DMD: variants seen among roughly 807,000 people sequenced by gnomAD.
DMD encodes mutant dystrophin.
DMD carries 63 observed loss-of-function variants against 330.1 expected under a neutral mutation model. The observed-to-expected ratio is 0.19, with a 90% CI of 0.16 to 0.24. The LOEUF is 0.24. Ranked by LOEUF, DMD falls within the 10% of genes least tolerant of loss-of-function variation. The pLI, the probability that DMD is intolerant of heterozygous loss-of-function variation, is 1.00. For missense variants in DMD, 3,344 were observed against 2,684.1 expected (o/e 1.25, Z -5.43); for synonymous variants, 1,223 against 959.8 (o/e 1.27, Z -5.07).
intron 74 of DMD, among the ~76,000 whole-genome samples, chrX:31,155,112 TAACTC>T (rs1325340983): frequency 1.8e-5 from 2 of 112,566 alleles, no homozygotes; most frequent in South Asian, 3.7e-4. Flanking sequence ...CTTGTTCCCT[TAACTC>T]AACCTGCTGA....
At chrX:32,630,849 A>T (rs1206439596) in intron 11 of DMD, among the ~76,000 whole-genome samples, 1 of 111,692 alleles carries the variant, frequency 9.0e-6, no homozygotes, top group Non-Finnish European at 1.9e-5. Context: ...TCAGTTGGTG[A>T]GATCATGTTT....
At position 31,836,775 on chromosome X, in the gene DMD, C is replaced by G; in HGVS notation, c.7143G>C (p.Glu2381Asp). 1.7e-6 allele frequency: 2 copies of G among 1,211,719 alleles called. No homozygotes were observed. Among genetic ancestry groups the G allele is most frequent in the South Asian group, 3.5e-5 (2 of 57,006 alleles). ...ACAAATGCTGCCCTTTAGACAAAAT[C>G]TCTTCCACATCCGGTTGTTTAGCTT... The part of the protein sequence containing the change: ...AVQAKQPDVE[E>D]ILSKGQHLYK... The change falls in exon 49 of 79, where the codon GAG (glutamate) becomes GAC (aspartate). Residue 2381 changes from glutamate to aspartate, a missense_variant. By Grantham distance (45) the Glu-to-Asp change is conservative. Transcript: ENST00000357033.
intron 13 of DMD, among the ~76,000 whole-genome samples, chrX:32,591,386 T>C (rs183217588): frequency 8.9e-6 from 1 of 111,991 alleles, no homozygotes; most frequent in African/African-American, 3.2e-5. Context: ...TTGGAAGACA[T>C]TTTCATTAGA....
chrX:32,648,854 C>T (rs1351333953), intron 9 of DMD, among the ~76,000 whole-genome samples: 1 of 111,936 alleles, frequency 8.9e-6, no homozygotes, highest in East Asian at 2.8e-4. Flanking sequence ...TTGGAGATCA[C>T]TTCATACATG....
intron 7 of DMD, among the ~76,000 whole-genome samples, chrX:32,729,587 C>G (rs990479134): frequency 9.0e-6 from 1 of 111,546 alleles, no homozygotes; most frequent in Non-Finnish European, 1.9e-5. Context: ...TTAACATTTC[C>G]ACATTTCATA....
rs200541301 is a variant in DMD, at chrX:32,516,054, G to GA, written c.2292+1953dup. 2.2e-3 allele frequency among the ~76,000 whole-genome samples: 222 copies of GA among 101,872 alleles called. 1 individual carries two copies. The highest frequency in any genetic ancestry group is 5.6e-3 in the African/African-American group (156 of 28,097). 88.5% of individuals were successfully genotyped at this position (101,872 alleles called of 115,157 possible). ...AAAGGAGTAAATGAAGAAATCAAGT[G>GA]AAAAAAAAAAGAGTTGGTAATATTT... On this transcript the variant is annotated intron_variant, in intron 18 of 78. Transcript: ENST00000357033.
chrX:32,706,457 G>A (rs998182476), intron 7 of DMD, among the ~76,000 whole-genome samples: 12 of 110,402 alleles, frequency 1.1e-4, no homozygotes, highest in African/African-American at 3.0e-4. Context: ...CCAGCTATTC[G>A]GGAGGCTGAG....
intron 3 of DMD, among the ~76,000 whole-genome samples, chrX:32,846,341 C>G (rs2080664596): frequency 9.0e-6 from 1 of 111,603 alleles, no homozygotes; most frequent in South Asian, 3.7e-4. Flanking sequence ...TCCTTCTTCT[C>G]TAACTACCTT....
At chrX:32,921,648 C>T (rs1344326468) in intron 2 of DMD, among the ~76,000 whole-genome samples, 2 of 111,617 alleles carry the variant, frequency 1.8e-5, no homozygotes, top group Non-Finnish European at 1.9e-5. Flanking sequence ...AACTAGGAGG[C>T]TAGCTAACAT....
chrX:31,351,340 C>A (rs769265210), intron 60 of DMD, among the ~76,000 whole-genome samples: 5 of 110,627 alleles, frequency 4.5e-5, no homozygotes, highest in Admixed American at 9.7e-5. Context: ...TAAGATGATA[C>A]AATGTAAAGC....
At chrX:32,728,832 C>T (rs2067194815) in intron 7 of DMD, among the ~76,000 whole-genome samples, 1 of 111,795 alleles carries the variant, frequency 8.9e-6, no homozygotes, top group African/African-American at 3.2e-5. Flanking sequence ...TTCCACAGTT[C>T]TTAAACTGAA....
intron 23 of DMD, among the ~76,000 whole-genome samples, chrX:32,468,239 C>A (rs1010506742): frequency 9.0e-6 from 1 of 110,679 alleles, no homozygotes; most frequent in Non-Finnish European, 1.9e-5. Flanking sequence ...AATTATTAAA[C>A]TAAAAACATG....
At chrX:33,120,575 TCTC>T (rs926371356) in intron 1 of DMD, among the ~76,000 whole-genome samples, 1 of 111,272 alleles carries the variant, frequency 9.0e-6, no homozygotes, top group Non-Finnish European at 1.9e-5. Flanking sequence ...TGTTTATTTC[TCTC>T]CTCTATTGAA....
intron 16 of DMD, among the ~76,000 whole-genome samples, 188 bp from the exon 17 acceptor site, chrX:32,545,522 T>C (rs1326318012): frequency 8.9e-6 from 1 of 111,845 alleles, no homozygotes; most frequent in African/African-American, 3.2e-5. Context: ...TTCACTGAAA[T>C]AGCAAGGGAA....
intron 50 of DMD, among the ~76,000 whole-genome samples, chrX:31,784,538 G>A (rs903592278): frequency 1.8e-5 from 2 of 111,762 alleles, no homozygotes; most frequent in Admixed American, 9.5e-5. Flanking sequence ...CTGGGTGTAC[G>A]GTTAGTCCCC....
chrX:33,235,215 T>A (rs2052454977), intron 1 of DMD, among the ~76,000 whole-genome samples: 1 of 111,881 alleles, frequency 8.9e-6, no homozygotes, highest in African/African-American at 3.2e-5. Flanking sequence ...ACAACGTTTT[T>A]TGTGAGCACG....
intron 1 of DMD, among the ~76,000 whole-genome samples, chrX:33,278,883 T>C (rs1293982511): frequency 1.8e-5 from 2 of 111,661 alleles, no homozygotes; most frequent in Non-Finnish European, 3.8e-5. Flanking sequence ...ATCATAAATA[T>C]ATATGCACCC....
At chrX:32,920,658 C>T (rs149240633) in intron 2 of DMD, among the ~76,000 whole-genome samples, 2 of 111,805 alleles carry the variant, frequency 1.8e-5, no homozygotes, top group South Asian at 3.7e-4. Flanking sequence ...TTATTCCTTC[C>T]GCACATATTT....
intron 13 of DMD, among the ~76,000 whole-genome samples, chrX:32,579,224 C>T (rs768094192): frequency 3.6e-5 from 4 of 111,718 alleles, no homozygotes; most frequent in Non-Finnish European, 7.5e-5. Flanking sequence ...TGGTACAGGG[C>T]GGATAAACCT....
Sources: gnomAD v4.1 joint callset for allele counts (sites outside exome capture counted in the v4.1 genomes callset) on GRCh38, gnomAD v4.1.1 for gene constraint, MANE v1.5 for transcripts, NCBI Gene and HGNC (gene_info 2026-07-23, HGNC 2026-07-21) for gene names.